Variants in LYST observed in about 807,000 individuals in gnomAD.
The protein encoded by LYST is lysosomal-trafficking regulator.
A neutral mutation model predicts 413.6 loss-of-function variants in LYST; 192 were observed. The observed-to-expected ratio is 0.46, with a 90% confidence interval of 0.41 to 0.52. The LOEUF (loss-of-function observed/expected upper bound fraction) is 0.52. Ranked by LOEUF, LYST falls within the 20% of genes least tolerant of loss-of-function variation. LYST has a pLI of 0.00. For missense variants in LYST, 3,815 were observed against 4,499.9 expected (o/e 0.85, Z 4.35); for synonymous variants, 1,525 against 1,567.3 (o/e 0.97, Z 0.64).
intron 1 of LYST, among the ~76,000 whole-genome samples, chr1:235,857,784 C>CACACACATAT (rs145820873): frequency 4.1e-3 from 496 of 122,056 alleles, no homozygotes; most frequent in African/African-American, 5.3e-3. Context: ...CACACACACA[C>CACACACATAT]ATATATATAT....
rs1196040228 is a variant in LYST at position 235,806,339 on chromosome 1, C to T, written c.2797G>A (p.Ala933Thr). The part of the protein sequence containing the change: ...SEDTSGYDST[A>T]SEPLSHMLPC... ...AGCATATGACTTAAAGGCTCGCTGGCTGTGCTGTCATAGCCAGAAGTATCT... is the reference window on the plus strand; with the variant it reads ...AGCATATGACTTAAAGGCTCGCTGGTTGTGCTGTCATAGCCAGAAGTATCT... The change falls in exon 6 of 53, where the codon GCC becomes ACC. Residue 933 changes from alanine to threonine, a missense_variant. Physicochemically the swap from Ala to Thr is moderately conservative, Grantham distance 58. Transcript: ENST00000389793. 6.2e-7 allele frequency: 1 copy of T among 1,614,016 alleles called. No homozygotes were observed. The highest frequency in any genetic ancestry group is 1.1e-5 in the South Asian group (1 of 91,078).
rs993097584 is a variant in LYST at position 235,787,238 on chromosome 1, C to G, written c.4824G>C (p.Arg1608Ser). Residue 1608 changes from arginine to serine, a missense_variant, in exon 14 of 53, where the codon AGG becomes AGC. This residue lies in a region of LYST where 530 missense variants were observed against 696.5 expected (regional missense o/e 0.76). Coordinates refer to ENST00000389793, the MANE Select transcript of LYST (RefSeq NM_000081.4). ...CCCATATGGAGATTTTCCCATGAATCCTCCTTTTCCCTTGGGGCTGCTGTA... is the reference window on the plus strand; with the variant it reads ...CCCATATGGAGATTTTCCCATGAATGCTCCTTTTCCCTTGGGGCTGCTGTA... ...TYLQQPQGKR[R>S]IHGKISIWVS... is the part of the protein sequence containing the mutation. The G allele has an allele frequency of 2.4e-5, 39 of 1,613,704 alleles. No homozygotes were observed. The highest frequency in any genetic ancestry group is 3.1e-5 in the Non-Finnish European group (37 of 1,179,814).
chr1:235,733,551 C>G lies in LYST; in HGVS notation c.8753G>C (p.Ser2918Thr). 1 of 1,613,992 alleles carries G rather than the reference C, an allele frequency of 6.2e-7. No homozygotes were observed. Among genetic ancestry groups the G allele is most frequent in the Non-Finnish European group, 8.5e-7 (1 of 1,179,920 alleles). The change falls in exon 34 of 53, where the codon AGT (serine) becomes ACT (threonine). Residue 2918 changes from serine (S) to threonine (T), a missense_variant. Around this residue, in one of 4 missense-constraint regions of LYST, gnomAD observed 866 missense variants for 1,156.0 expected, o/e 0.75. Coordinates refer to ENST00000389793, the MANE Select transcript of LYST (RefSeq NM_000081.4). ...HIRGMYKVDL[S>T]ASRHWQELIQ... ...AAGTTCCTGCCAATGTCTGCTGGCA[C>G]TCAAATCTACTTTATACATTCCTCT...
chr1:235,775,110 T>C (rs1436091046), intron 17 of LYST, 24 bp from the exon 18 acceptor site: 5 of 1,580,212 alleles, frequency 3.2e-6, no homozygotes, highest in East Asian at 2.2e-5. Context: ...TGGGTGGATA[T>C]AGTTTTCTCC....
chr1:235,816,672 G>A (rs1326297776), intron 3 of LYST, among the ~76,000 whole-genome samples: 4 of 151,996 alleles, frequency 2.6e-5, no homozygotes, highest in Admixed American at 6.6e-5. Flanking sequence ...TACTCTATGA[G>A]GCTACAGTAA....
At chr1:235,795,406 G>A (rs1000803415) in intron 10 of LYST, among the ~76,000 whole-genome samples, 3 of 152,150 alleles carry the variant, frequency 2.0e-5, no homozygotes, top group Admixed American at 6.5e-5. Context: ...CTAAAATAAA[G>A]TCTGAATGCT....
chr1:235,767,514 T>C (rs1354457371), intron 20 of LYST, among the ~76,000 whole-genome samples: 1 of 152,096 alleles, frequency 6.6e-6, no homozygotes, highest in East Asian at 1.9e-4. Context: ...TAAACCATAC[T>C]CCATGTATCT....
intron 1 of LYST, among the ~76,000 whole-genome samples, chr1:235,872,447 A>T (rs772803353): frequency 2.0e-5 from 3 of 152,152 alleles, no homozygotes; most frequent in Non-Finnish European, 4.4e-5. Flanking sequence ...AAAGAGTTTG[A>T]TCTCGTGGTA....
chr1:235,757,207 T>C, intron 24 of LYST, 74 bp downstream of exon 24: 2 of 965,352 alleles, frequency 2.1e-6, no homozygotes, highest in Non-Finnish European at 1.6e-6. Context: ...CTTTAATGTA[T>C]ATACTCAAAA....
At chr1:235,663,125 G>C (rs1401704636) in intron 52 of LYST, 47 bp from the exon 53 acceptor site, 1 of 1,329,966 alleles carries the variant, frequency 7.5e-7, no homozygotes, top group Non-Finnish European at 1.1e-6. Context: ...TTTCTTAAAA[G>C]TGTATTAGCA....
intron 38 of LYST, among the ~76,000 whole-genome samples, chr1:235,727,326 G>A (rs1474949550): frequency 1.3e-5 from 2 of 151,880 alleles, no homozygotes; most frequent in Non-Finnish European, 2.9e-5. Flanking sequence ...GTTTCACCAT[G>A]TTGGCCAGGC....
chr1:235,782,056 G>A lies in LYST; in HGVS notation c.4894C>T (p.Pro1632Ser). 6.2e-7 allele frequency: 1 copy of A among 1,612,912 alleles called. No homozygotes were observed. Among genetic ancestry groups the A allele is most frequent in the South Asian group, 1.1e-5 (1 of 91,058 alleles). Residue 1632 changes from proline (P) to serine (S), a missense_variant, in exon 15 of 53, where the codon CCA (proline) becomes TCA (serine). This residue lies in a region of LYST where 530 missense variants were observed against 696.5 expected (regional missense o/e 0.76). Transcript: ENST00000389793. ...KPDVTLDFML[P>S]RKTSLSSDSN... ...TCAGATGACAAACTTGTTTTTCTTGGAAGCATAAAATCCAAAGTAACATCA... is the reference window on the plus strand; with the variant it reads ...TCAGATGACAAACTTGTTTTTCTTGAAAGCATAAAATCCAAAGTAACATCA...
In LYST at chr1:235,780,917, T is replaced by C; in HGVS notation, c.5162A>G (p.Gln1721Arg). Residue 1721 changes from glutamine (Q) to arginine (R), a missense_variant, in exon 16 of 53, where the codon CAA becomes CGA. By Grantham distance (43) the Gln-to-Arg change is conservative. Around this residue, in one of 4 missense-constraint regions of LYST, gnomAD observed 530 missense variants for 696.5 expected, o/e 0.76. Transcript: ENST00000389793. ...CTTGGTCATAAAAAGTTCTCTGATT[T>C]GTTCACATCGCAAAATTTCTTTATT... ...YINKEILRCE[Q>R]IRELFMTKKD... The C allele has an allele frequency of 6.3e-7, 1 of 1,587,640 alleles. No homozygotes were observed. Among genetic ancestry groups the C allele is most frequent in the Non-Finnish European group, 8.6e-7 (1 of 1,161,886 alleles).
chr1:235,831,657 T>C (rs1158919495), intron 2 of LYST, among the ~76,000 whole-genome samples: 1 of 152,192 alleles, frequency 6.6e-6, no homozygotes, highest in African/African-American at 2.4e-5. Context: ...ATTCTAGGTA[T>C]TACAGTAACT....
chr1:235,720,657 T>C lies in LYST; in HGVS notation c.9560+4A>G. ...CCCTAAAGGTGATGATTCTTTTAAC[T>C]TACCTGTATATCAACAGATCATTGA... On this transcript the variant is annotated splice_donor_region_variant and intron_variant, in intron 40 of 52. Transcript: ENST00000389793. 4 of 1,613,504 alleles carry C rather than the reference T, an allele frequency of 2.5e-6. No individual in the cohort carries two copies. The highest frequency in any genetic ancestry group is 3.4e-6 in the Non-Finnish European group (4 of 1,179,500).
rs562131101 is a variant in LYST at position 235,824,795 on chromosome 1, G to C, written c.192+5431C>G. 1.5e-4 allele frequency among the ~76,000 whole-genome samples: 23 copies of C among 152,268 alleles called. No individual in the cohort carries two copies. The South Asian group carries it at 4.8e-3, about 32-fold the overall frequency. On this transcript the variant is annotated intron_variant, in intron 3 of 52. Coordinates refer to ENST00000389793, the MANE Select transcript of LYST (RefSeq NM_000081.4). Reference sequence around the variant, plus strand: ...CCAGCACTTTGGGTGGCTGAGGCGGGTGGATCACGAGGTCAGGAGTTCAAG... The same window carrying C: ...CCAGCACTTTGGGTGGCTGAGGCGGCTGGATCACGAGGTCAGGAGTTCAAG...
At chr1:235,782,668 A>C (rs1340782774) in intron 14 of LYST, among the ~76,000 whole-genome samples, 1 of 152,092 alleles carries the variant, frequency 6.6e-6, no homozygotes, top group East Asian at 1.9e-4. Flanking sequence ...TTGCCATTTG[A>C]CTTCTGTATA....
chr1:235,818,126 G>A (rs893475036), intron 3 of LYST, among the ~76,000 whole-genome samples: 4 of 151,946 alleles, frequency 2.6e-5, no homozygotes, highest in Non-Finnish European at 4.4e-5. Flanking sequence ...TTATTTTCAT[G>A]ATTATTTTAA....
In LYST at chr1:235,793,579, G is replaced by C. The variant is rs767996620; in HGVS notation, c.4040C>G (p.Ser1347Cys). The C allele has an allele frequency of 4.4e-6, 7 of 1,598,840 alleles. No individual in the cohort carries two copies. Residue 1347 changes from serine (S) to cysteine (C), a missense_variant, in exon 11 of 53, where the codon TCT becomes TGT. Around this residue, in one of 4 missense-constraint regions of LYST, gnomAD observed 1,648 missense variants for 1,810.3 expected, o/e 0.91. Transcript: ENST00000389793. ...CQRVLVDLLV[S>C]LMSSRTCSEE... ...TGAACATGTTCTTGAACTCATCAAAGATACCAAAAGATCCACCAATACTCT... is the reference window on the plus strand; with the variant it reads ...TGAACATGTTCTTGAACTCATCAAACATACCAAAAGATCCACCAATACTCT...
Sources: gnomAD v4.1 joint callset for allele counts (sites outside exome capture counted in the v4.1 genomes callset) on GRCh38, gnomAD v4.1.1 for gene constraint, gnomAD v4.1.1 regional missense constraint, MANE v1.5 for transcripts, NCBI Gene and HGNC (gene_info 2026-07-23, HGNC 2026-07-21) for gene names.